Variants in PHTF2 observed in about 807,000 individuals in gnomAD.
The protein encoded by PHTF2 is putative homeodomain transcription factor 2, also known as protein PHTF2.
PHTF2 carries 60 observed loss-of-function variants against 101.2 expected under a neutral mutation model. The ratio of observed to expected loss-of-function variants is 0.59; its 90% confidence interval spans 0.48 to 0.73. The LOEUF is 0.73. Ranked by LOEUF, PHTF2 falls within the 30% of genes least tolerant of loss-of-function variation. The pLI is 0.00. For missense variants in PHTF2, 747 were observed against 908.7 expected (o/e 0.82, Z 2.29); for synonymous variants, 311 against 307.3 (o/e 1.01, Z -0.13).
chr7:77,823,661 A>G (rs1318534051), intron 1 of PHTF2, among the ~76,000 whole-genome samples: 2 of 152,256 alleles, frequency 1.3e-5, no homozygotes, highest in Non-Finnish European at 2.9e-5. Flanking sequence ...GACAAGGAAT[A>G]TTACCTGGAG....
At chr7:77,850,388 C>T (rs1454912725) in intron 2 of PHTF2, among the ~76,000 whole-genome samples, 1 of 93,056 alleles carries the variant, frequency 1.1e-5, no homozygotes, top group Non-Finnish European at 2.3e-5. Context: ...AAAAAAAAGG[C>T]ACGATGGCTC....
At chr7:77,923,400 C>G in intron 11 of PHTF2, 1 of 980,444 alleles carries the variant, frequency 1.0e-6, no homozygotes, top group Non-Finnish European at 1.2e-6. Context: ...TTACCTTCTA[C>G]TCTTTTTGAG....
At chr7:77,865,125 C>A (rs1342603272) in intron 3 of PHTF2, among the ~76,000 whole-genome samples, 1 of 152,088 alleles carries the variant, frequency 6.6e-6, no homozygotes, top group Non-Finnish European at 1.5e-5. Context: ...ACAGAGAGAT[C>A]TTGATCCTCT....
intron 3 of PHTF2, among the ~76,000 whole-genome samples, chr7:77,890,795 C>T (rs368705310): frequency 3.3e-5 from 5 of 151,224 alleles, no homozygotes; most frequent in East Asian, 1.9e-4. Flanking sequence ...TTAGTAGAGA[C>T]GGGGTTTCAC....
intron 2 of PHTF2, among the ~76,000 whole-genome samples, chr7:77,847,150 T>G (rs1014960955): frequency 6.6e-6 from 1 of 152,142 alleles, no homozygotes; most frequent in African/African-American, 2.4e-5. Flanking sequence ...GGTTTTTTAG[T>G]TTCTTGTTTC....
In PHTF2 at chr7:77,915,571, G is replaced by T. The variant is rs1241108819; in HGVS notation, c.777-4708G>T. The stretch of plus-strand genomic sequence containing the variant: ...AAGCTTTTCAAAATCTAGGAGTAAG[G>T]TAATAAATTACTACAATATTTGCAA... On this transcript the variant is annotated intron_variant, in intron 9 of 19. Coordinates refer to ENST00000416283, the Ensembl canonical transcript of PHTF2. Among the ~76,000 whole-genome samples, 8 of 152,208 alleles carry T rather than the reference G, an allele frequency of 5.3e-5. No individual in the cohort carries two copies. In the East Asian group the frequency reaches 1.5e-3, roughly 29 times the overall value.
At chr7:77,867,516 G>A (rs530565122) in intron 3 of PHTF2, among the ~76,000 whole-genome samples, 1 of 152,266 alleles carries the variant, frequency 6.6e-6, no homozygotes, top group South Asian at 2.1e-4. Context: ...TACGTGGAAG[G>A]GGTATCAGCA....
intron 19 of PHTF2, among the ~76,000 whole-genome samples, chr7:77,954,291 G>A (rs1282854922): frequency 2.0e-5 from 3 of 151,914 alleles, no homozygotes; most frequent in Admixed American, 6.6e-5. Flanking sequence ...GCACCACCAC[G>A]CCTGGCCAAT....
intron 2 of PHTF2, among the ~76,000 whole-genome samples, chr7:77,853,353 T>A (rs1042609699): frequency 1.1e-4 from 17 of 152,068 alleles, no homozygotes; most frequent in Non-Finnish European, 2.9e-5. Context: ...GTTGACAGAC[T>A]TTGATGTTTT....
chr7:77,863,461 G>A (rs1797803750), intron 3 of PHTF2, among the ~76,000 whole-genome samples: 1 of 152,058 alleles, frequency 6.6e-6, no homozygotes, highest in African/African-American at 2.4e-5. Flanking sequence ...TTATTTACTG[G>A]TAGAAAACCA....
intron 2 of PHTF2, among the ~76,000 whole-genome samples, chr7:77,851,880 A>G (rs949497451): frequency 2.0e-5 from 3 of 151,970 alleles, no homozygotes; most frequent in African/African-American, 7.3e-5. Context: ...TACTGCTTTC[A>G]CTGTATCTCA....
intron 18 of PHTF2, 126 bp downstream of exon 17, chr7:77,951,838 CT>C (rs1350908614): frequency 1.8e-6 from 1 of 567,026 alleles, no homozygotes; most frequent in Non-Finnish European, 3.1e-6. Context: ...CCAAATTATA[CT>C]TGTGCACATA....
chr7:77,884,848 A>C (rs771873862), intron 3 of PHTF2, among the ~76,000 whole-genome samples: 1 of 152,188 alleles, frequency 6.6e-6, no homozygotes, highest in Non-Finnish European at 1.5e-5. Context: ...GCAGTGAGCC[A>C]AGATCGTGCC....
intron 11 of PHTF2, among the ~76,000 whole-genome samples, chr7:77,925,248 T>A (rs114231664): frequency 6.6e-6 from 1 of 152,270 alleles, no homozygotes; most frequent in African/African-American, 2.4e-5. Context: ...AAGTCCATAT[T>A]CCCTTCAAAT....
intron 3 of PHTF2, among the ~76,000 whole-genome samples, chr7:77,875,144 G>C (rs534804739): frequency 6.6e-6 from 1 of 152,040 alleles, no homozygotes; most frequent in Non-Finnish European, 1.5e-5. Context: ...CTGTGTAGGG[G>C]TTGCATTGAC....
chr7:77,942,433 G>A (rs910909186), intron 15 of PHTF2, among the ~76,000 whole-genome samples: 3 of 152,104 alleles, frequency 2.0e-5, no homozygotes, highest in African/African-American at 7.2e-5. Flanking sequence ...AATGACTTGT[G>A]TTTGACAAAA....
intron 17 of PHTF2, among the ~76,000 whole-genome samples, chr7:77,950,301 T>C (rs1281803586): frequency 2.6e-5 from 4 of 152,104 alleles, no homozygotes; most frequent in Non-Finnish European, 5.9e-5. Flanking sequence ...TTTTAAACAA[T>C]CAATAAACCT....
At chr7:77,914,649 C>T (rs1313103572) in intron 9 of PHTF2, among the ~76,000 whole-genome samples, 1 of 152,060 alleles carries the variant, frequency 6.6e-6, no homozygotes, top group Non-Finnish European at 1.5e-5. Flanking sequence ...ATGATAGAGT[C>T]AGAAAAGATA....
chr7:77,860,806 G>A (rs990429579), intron 3 of PHTF2, among the ~76,000 whole-genome samples: 1 of 151,942 alleles, frequency 6.6e-6, no homozygotes, highest in Non-Finnish European at 1.5e-5. Flanking sequence ...TGACCTCCTC[G>A]GCTCAAGCAA....
Sources: gnomAD v4.1 joint callset for allele counts (sites outside exome capture counted in the v4.1 genomes callset) on GRCh38, gnomAD v4.1.1 for gene constraint, MANE v1.5 for transcripts, NCBI Gene and HGNC (gene_info 2026-07-23, HGNC 2026-07-21) for gene names.